The following NDRG2 variants were observed in gnomAD, a reference collection of about 807,000 sequenced individuals.
The protein encoded by NDRG2 is NDRG family member 2, also known as protein NDRG2.
NDRG2 carries 34 observed loss-of-function variants against 58.2 expected under a neutral mutation model. The observed-to-expected ratio is 0.58, with a 90% CI of 0.44 to 0.78. The LOEUF (loss-of-function observed/expected upper bound fraction) is 0.78. Among genes scored for constraint, NDRG2 ranks in the 30% least tolerant of loss-of-function variants. NDRG2 has a pLI of 0.00. For missense variants in NDRG2, 434 were observed against 471.2 expected (o/e 0.92, Z 0.73); for synonymous variants, 187 against 175.9 (o/e 1.06, Z -0.50).
intron 1 of NDRG2, among the ~76,000 whole-genome samples, chr14:21,066,354 T>A (rs1886266208): frequency 6.6e-6 from 1 of 151,382 alleles, no homozygotes; most frequent in Non-Finnish European, 1.5e-5. Context: ...GGAGTCTCAC[T>A]TTGTCGCCAG....
Position 21,070,532 on chromosome 14 carries a change from C to T in NDRG2, c.24+296G>A. 3 of 1,119,466 alleles carry T rather than the reference C, an allele frequency of 2.7e-6. No individual in the cohort carries two copies. The highest frequency in any genetic ancestry group is 3.6e-6 in the Non-Finnish European group (3 of 826,180). 69.3% of individuals were successfully genotyped at this position (1,119,466 alleles called of 1,614,324 possible). A position where few individuals can be genotyped will look rare whatever the true frequency, so the allele number is the denominator to read the frequency against. On this transcript the variant is annotated intron_variant, in intron 1 of 14. Transcript: ENST00000403829. This position sits in a 1 kb window ranked among gnomAD's most constrained non-coding sequence, Gnocchi z 4.7. Reference sequence around the variant, plus strand: ...GCCCCTCTGGGACTCTCCTCCCTCCCATCCCCCCTTCTTCGATTTGTCTGT... The same window carrying T: ...GCCCCTCTGGGACTCTCCTCCCTCCTATCCCCCCTTCTTCGATTTGTCTGT...
intron 1 of NDRG2, among the ~76,000 whole-genome samples, chr14:21,064,850 C>T (rs183128789): frequency 9.5e-4 from 144 of 152,332 alleles, no homozygotes; most frequent in Non-Finnish European, 1.8e-3. Flanking sequence ...TACATCTGAG[C>T]CAGATGATGG....
rs1886640662 is a variant in NDRG2 at position 21,070,462 on chromosome 14, C to T, written c.24+366G>A. 6 of 1,356,266 alleles carry T rather than the reference C, an allele frequency of 4.4e-6. No homozygotes were observed. The highest frequency in any genetic ancestry group is 5.7e-6 in the Non-Finnish European group (6 of 1,060,296). The allele number at this position is 1,356,266 out of a possible 1,614,324, so 84.0% of individuals were successfully genotyped here. On this transcript the variant is annotated intron_variant, in intron 1 of 14. Coordinates refer to the NDRG2 transcript ENST00000403829. The surrounding 1 kb of genome is among the most constrained non-coding windows in gnomAD (Gnocchi z 4.7). ...CTTCGCGCAGCCCGCTCCGGGCCCC[C>T]AAGTCCTCAGCCTGGTGCCTCCCGA...
In NDRG2 at chr14:21,070,542, T is replaced by C; in HGVS notation, c.24+286A>G. 6 of 1,056,082 alleles carry C rather than the reference T, an allele frequency of 5.7e-6. No homozygotes were observed. Among genetic ancestry groups the C allele is most frequent in the Non-Finnish European group, 7.8e-6 (6 of 772,410 alleles). The allele number at this position is 1,056,082 out of a possible 1,614,324, so 65.4% of individuals were successfully genotyped here. On this transcript the variant is annotated intron_variant, in intron 1 of 14. Transcript: ENST00000403829. The surrounding 1 kb of genome is among the most constrained non-coding windows in gnomAD (Gnocchi z 4.7). ...GACTCTCCTCCCTCCCATCCCCCCT[T>C]CTTCGATTTGTCTGTCTGCCCGACT...
chr14:21,060,389 T>C (rs1456006067), intron 1 of NDRG2, among the ~76,000 whole-genome samples: 1 of 152,148 alleles, frequency 6.6e-6, no homozygotes, highest in Non-Finnish European at 1.5e-5. Context: ...GGAAGACATC[T>C]GGAAGTGAGA....
Position 21,022,194 on chromosome 14 carries a change from C to G in NDRG2, c.224-12G>C, listed in dbSNP as rs371705170. Reference sequence around the variant, plus strand: ...GAAGCAAGATTTATCTAAAGAGAACCCACATCACCTCAACAATAGAATCAG... The same window carrying G: ...GAAGCAAGATTTATCTAAAGAGAACGCACATCACCTCAACAATAGAATCAG... On this transcript the variant is annotated splice_polypyrimidine_tract_variant and intron_variant, in intron 4 of 15. Coordinates refer to ENST00000556147, the MANE Select transcript of NDRG2 (RefSeq NM_001320329.2). 2.2e-5 allele frequency: 36 copies of G among 1,614,142 alleles called. No individual in the cohort carries two copies. The African/African-American group carries it at 3.9e-4, about 17-fold the overall frequency.
At chr14:21,049,052 T>C (rs1241069114) in intron 1 of NDRG2, among the ~76,000 whole-genome samples, 1 of 152,228 alleles carries the variant, frequency 6.6e-6, no homozygotes, top group Non-Finnish European at 1.5e-5. Flanking sequence ...TGTGAATTTA[T>C]GAATCCAAAG....
intron 1 of NDRG2, chr14:21,043,502 C>A: frequency 7.2e-7 from 1 of 1,398,324 alleles, no homozygotes; most frequent in Non-Finnish European, 9.9e-7. Flanking sequence ...ACCTTCAATT[C>A]CCTCTCCAGG....
In NDRG2 at chr14:21,017,632, C is replaced by T. The variant is rs535431489; in HGVS notation, c.1080G>A (p.Ser360=). The T allele has an allele frequency of 8.1e-6, 13 of 1,613,646 alleles. No individual in the cohort carries two copies. The highest frequency in any genetic ancestry group is 1.3e-5 in the African/African-American group (1 of 75,010). Residue 360 remains serine, a synonymous_variant, in exon 16 of 16, where the codon TCG becomes TCA. Transcript: ENST00000556147. ...SQSSESGTLS[S]GPPGHTMEVS... ...CCTCCATGGTGTGCCCCGGGGGCCC[C>T]GAAGAAAGAGTTCCAGACTCGCTGC...
At chr14:21,021,363 C>A in intron 6 of NDRG2, 1 of 332,574 alleles carries the variant, frequency 3.0e-6, no homozygotes, top group African/African-American at 2.1e-5. Flanking sequence ...CAGGGGCCAG[C>A]ACCTCCCTCT....
rs777809812 is a variant in NDRG2 at position 21,019,159 on chromosome 14, G to A, written c.718C>T (p.Arg240Cys). Reference sequence around the variant, plus strand: ...CCACGCTCAAAGTTCAGGTCTCGGCGGCTAGAAAGGGGTTAAAAGAGTAGG... The same window carrying A: ...CCACGCTCAAAGTTCAGGTCTCGGCAGCTAGAAAGGGGTTAAAAGAGTAGG... ...IELYWNSYNN[R>C]RDLNFERGGD... Residue 240 changes from arginine (R) to cysteine (C), a missense_variant and splice_region_variant, in exon 11 of 16, where the codon CGC becomes TGC. Arg to Cys is a radical substitution (Grantham distance 180). Transcript: ENST00000556147. 16 of 1,611,516 alleles carry A rather than the reference G, an allele frequency of 9.9e-6. No homozygotes were observed. The highest frequency in any genetic ancestry group is 1.7e-5 in the Admixed American group (1 of 59,246).
chr14:21,053,254 G>T (rs994948795), intron 1 of NDRG2, among the ~76,000 whole-genome samples: 2 of 152,048 alleles, frequency 1.3e-5, no homozygotes, highest in African/African-American at 4.8e-5. Context: ...AGGCTGAGGC[G>T]AGTGGATCAC....
At chr14:21,018,280 T>C (rs918700535) in intron 13 of NDRG2, 41 bp from the exon 14 acceptor site, 4 of 1,613,270 alleles carry the variant, frequency 2.5e-6, no homozygotes, top group Non-Finnish European at 3.4e-6. Context: ...GAAACACACA[T>C]AAATGAGCCA....
chr14:21,040,775 T>C (rs1021314818), intron 1 of NDRG2, among the ~76,000 whole-genome samples: 4 of 152,186 alleles, frequency 2.6e-5, no homozygotes, highest in Non-Finnish European at 5.9e-5. Flanking sequence ...TAATCACAAG[T>C]TCACTCTTAT....
chr14:21,033,752 G>T, intron 1 of NDRG2: 1 of 1,076,660 alleles, frequency 9.3e-7, no homozygotes, highest in Non-Finnish European at 1.4e-6. Flanking sequence ...CTTGTTACAG[G>T]GATCAGAGTG....
In NDRG2 at chr14:21,019,656, G is replaced by A. The variant is rs1878983396; in HGVS notation, c.699C>T (p.Tyr233=). 6.2e-7 allele frequency: 1 copy of A among 1,611,772 alleles called. No homozygotes were observed. The highest frequency in any genetic ancestry group is 2.2e-5 in the East Asian group (1 of 44,884). Residue 233 remains tyrosine (Y), a synonymous_variant, in exon 10 of 16, where the codon TAC becomes TAT. Coordinates refer to ENST00000556147, the MANE Select transcript of NDRG2 (RefSeq NM_001320329.2). ...HAPNLDNIEL[Y]WNSYNNRRDL... ...CCACCCACTTGTTGTAGCTGTTCCA[G>A]TACAATTCAATGTTATCCAGGTTGG...
chr14:21,058,379 C>G (rs768172801), intron 1 of NDRG2: 1 of 1,523,370 alleles, frequency 6.6e-7, no homozygotes, highest in Non-Finnish European at 9.0e-7. Flanking sequence ...CACGTTCCAC[C>G]TCACACTCTG....
At chr14:21,049,692 G>A (rs1475277111) in intron 1 of NDRG2, among the ~76,000 whole-genome samples, 9 of 151,842 alleles carry the variant, frequency 5.9e-5, no homozygotes, top group South Asian at 4.2e-4. Context: ...GCAAGAACTC[G>A]GGCTTTTTTG....
At chr14:21,044,479 G>A (rs1053673861) in intron 1 of NDRG2, among the ~76,000 whole-genome samples, 1 of 152,150 alleles carries the variant, frequency 6.6e-6, no homozygotes. Context: ...CAAACAGGCT[G>A]GTGGGAGCTG....
Sources: gnomAD v4.1 joint callset for allele counts (sites outside exome capture counted in the v4.1 genomes callset) on GRCh38, gnomAD v4.1.1 for gene constraint, Gnocchi (gnomAD v3.1) non-coding constraint, MANE v1.5 for transcripts, NCBI Gene and HGNC (gene_info 2026-07-23, HGNC 2026-07-21) for gene names.